The following NPTXR variants were observed in gnomAD, a reference collection of about 807,000 sequenced individuals.
NPTXR encodes the protein neuronal pentraxin receptor.
Under a neutral mutation model 32.2 loss-of-function variants are expected in NPTXR, and 12 were observed. That is an observed-to-expected ratio of 0.37 (90% CI 0.24 to 0.60). The LOEUF is 0.60. Among genes scored for constraint, NPTXR ranks in the 20% least tolerant of loss-of-function variants. The pLI, the probability that NPTXR is intolerant of heterozygous loss-of-function variation, is 0.66. For missense variants in NPTXR, 612 were observed against 682.9 expected (o/e 0.90, Z 1.16); for synonymous variants, 323 against 315.8 (o/e 1.02, Z -0.24).
intron 1 of NPTXR, among the ~76,000 whole-genome samples, chr22:38,838,573 ATTTTTTTTTTT>A (rs139377592): frequency 4.8e-5 from 4 of 83,204 alleles, no homozygotes; most frequent in South Asian, 7.8e-4. Flanking sequence ...TCACCTGGCT[ATTTTTTTTTTT>A]TTTTTTTTTT....
Position 38,822,572 on chromosome 22 carries a change from T to A in NPTXR, c.*37A>T, listed in dbSNP as rs1210248116. On this transcript the variant is annotated 3_prime_UTR_variant, in exon 5 of 5. Coordinates refer to ENST00000333039, the MANE Select transcript of NPTXR (RefSeq NM_014293.4). Reference sequence around the variant, plus strand: ...TATGACCCCCCTCAAGTCCCCAAAGTGGCAGGCAAGGGAGGGGCCCTGGAT... The same window carrying A: ...TATGACCCCCCTCAAGTCCCCAAAGAGGCAGGCAAGGGAGGGGCCCTGGAT... 1 of 1,553,578 alleles carries A rather than the reference T, an allele frequency of 6.4e-7. No homozygotes were observed. Among genetic ancestry groups the A allele is most frequent in the Non-Finnish European group, 8.7e-7 (1 of 1,147,164 alleles).
chr22:38,823,010 T>C, intron 4 of NPTXR, 73 bp downstream of exon 4: 1 of 1,568,244 alleles, frequency 6.4e-7, no homozygotes, highest in Admixed American at 1.7e-5. Flanking sequence ...GGCAGGTCTC[T>C]GATCTCTCTG....
chr22:38,823,948 A>C (rs2280974), intron 3 of NPTXR, among the ~76,000 whole-genome samples: 60,787 of 151,880 alleles, frequency 0.4, 12,479 homozygotes, highest in East Asian at 0.71. Flanking sequence ...GGTGCTCCCA[A>C]AGGGCTTCCT....
chr22:38,829,335 C>T (rs997457326), intron 1 of NPTXR, among the ~76,000 whole-genome samples: 4 of 152,120 alleles, frequency 2.6e-5, no homozygotes, highest in East Asian at 1.9e-4. Context: ...TTCCCCATGA[C>T]ATGCCTGTCT....
At position 38,826,523 on chromosome 22, in the gene NPTXR, T is replaced by A. The variant is rs747658539; in HGVS notation, c.1075A>T (p.Met359Leu). 1.2e-6 allele frequency: 2 copies of A among 1,611,704 alleles called. No individual in the cohort carries two copies. Among genetic ancestry groups the A allele is most frequent in the South Asian group, 2.2e-5 (2 of 90,930 alleles). The change falls in exon 3 of 5, where the codon ATG (methionine) becomes TTG (leucine). Residue 359 changes from methionine (M) to leucine (L), a missense_variant. Coordinates refer to ENST00000333039, the MANE Select transcript of NPTXR (RefSeq NM_014293.4). The stretch of plus-strand genomic sequence containing the variant: ...ACCTTGTCGTTGATCAGCAGCTCCA[T>A]GGGCTCATGGCCCGCCTCTAGCAGT...
rs144927885 is a variant in NPTXR at position 38,833,204 on chromosome 22, C to T, written c.625-4692G>A. Among the ~76,000 whole-genome samples the T allele has an allele frequency of 6.5e-3, 987 of 152,312 alleles. 7 individuals carry two copies. Among genetic ancestry groups the T allele is most frequent in the African/African-American group, 0.023 (946 of 41,558 alleles). On this transcript the variant is annotated intron_variant, in intron 1 of 4. Transcript: ENST00000333039. ...CAGGATCACCCAGGTAGTGGTACTC[C>T]CAGCTGGCAGTGAGGCAGAGGCTGT...
intron 1 of NPTXR, among the ~76,000 whole-genome samples, chr22:38,839,247 T>C (rs754229139): frequency 6.6e-6 from 1 of 152,200 alleles, no homozygotes; most frequent in Non-Finnish European, 1.5e-5. Flanking sequence ...GTTGTATACA[T>C]ACATTAAATT....
chr22:38,841,738 C>T (rs1401962040), intron 1 of NPTXR, among the ~76,000 whole-genome samples: 1 of 152,178 alleles, frequency 6.6e-6, no homozygotes, highest in Non-Finnish European at 1.5e-5. Flanking sequence ...ATATAAAGTA[C>T]TTAATCCTCC....
intron 1 of NPTXR, among the ~76,000 whole-genome samples, chr22:38,838,343 A>G (rs1057279405): frequency 6.6e-6 from 1 of 151,956 alleles, no homozygotes; most frequent in African/African-American, 2.4e-5. Context: ...TTCAGCCTCT[A>G]TCATAGGACT....
rs1388491923 is a variant in NPTXR at position 38,826,590 on chromosome 22, G to A, written c.1008C>T (p.Thr336=). ...GCCCGGGCACTGAGTAGGAGAAGGG[G>A]GTGCCCTGGCCGGTGCCGCTGGACC... Residue 336 remains threonine (T), a synonymous_variant, in exon 3 of 5, where the codon ACC becomes ACT. Transcript: ENST00000333039. 1.2e-6 allele frequency: 2 copies of A among 1,614,148 alleles called. No homozygotes were observed. The highest frequency in any genetic ancestry group is 1.3e-5 in the African/African-American group (1 of 74,954).
chr22:38,827,497 G>A (rs1319257840), intron 2 of NPTXR, among the ~76,000 whole-genome samples: 1 of 152,072 alleles, frequency 6.6e-6, no homozygotes, highest in Non-Finnish European at 1.5e-5. Flanking sequence ...ACCTCCCAAA[G>A]TGTCGGGATA....
rs1049948226 is a variant in NPTXR, at chr22:38,834,656, T to C, written c.625-6144A>G. 4.0e-5 allele frequency among the ~76,000 whole-genome samples: 6 copies of C among 151,326 alleles called. No homozygotes were observed. The highest frequency in any genetic ancestry group is 2.9e-5 in the Non-Finnish European group (2 of 67,856). On this transcript the variant is annotated intron_variant, in intron 1 of 4. Coordinates refer to ENST00000333039, the MANE Select transcript of NPTXR (RefSeq NM_014293.4). This position sits in a 1 kb window ranked among gnomAD's most constrained non-coding sequence, Gnocchi z 4.4. Reference sequence around the variant, plus strand: ...TCCATCCATGTGTGCCGCAGCAACATGGCGTCGTAGTTGCAGACACGAACT... The same window carrying C: ...TCCATCCATGTGTGCCGCAGCAACACGGCGTCGTAGTTGCAGACACGAACT...
chr22:38,821,901 G>A lies in NPTXR; in HGVS notation c.*708C>T, dbSNP rs2093097859. The A allele has an allele frequency of 6.5e-6, 1 of 154,578 alleles. No individual in the cohort carries two copies. Among genetic ancestry groups the A allele is most frequent in the African/African-American group, 2.4e-5 (1 of 41,462 alleles). 9.6% of individuals were successfully genotyped at this position (154,578 alleles called of 1,614,324 possible). On this transcript the variant is annotated 3_prime_UTR_variant, in exon 5 of 5. Transcript: ENST00000333039. ...TGGGTGAGCACAAGGGGTGACTGCA[G>A]CCCTTTGGCCTCCTGGGGTCTTTGT...
intron 1 of NPTXR, among the ~76,000 whole-genome samples, chr22:38,841,438 G>T (rs958288374): frequency 3.3e-5 from 5 of 152,268 alleles, no homozygotes; most frequent in South Asian, 4.1e-4. Context: ...CAGGTGCTGG[G>T]GGCACAGGTC....
At position 38,843,319 on chromosome 22, in the gene NPTXR, G is replaced by A. The variant is rs773771495; in HGVS notation, c.540C>T (p.Ala180=). The A allele has an allele frequency of 7.0e-7, 1 of 1,422,982 alleles. No homozygotes were observed. Among genetic ancestry groups the A allele is most frequent in the African/African-American group, 1.5e-5 (1 of 66,612 alleles). 88.1% of individuals were successfully genotyped at this position (1,422,982 alleles called of 1,614,324 possible). Residue 180 remains alanine (A), a synonymous_variant, in exon 1 of 5, where the codon GCC becomes GCT. Coordinates refer to ENST00000333039, the MANE Select transcript of NPTXR (RefSeq NM_014293.4). The surrounding 1 kb of genome is among the most constrained non-coding windows in gnomAD (Gnocchi z 5.3). The stretch of plus-strand genomic sequence containing the variant: ...GCGCAGGCGAGTCCCAGGGCCCGTC[G>A]GCCATGGTGTCGCGGCGGGGCCCGG...
rs905767586 is a variant in NPTXR at position 38,843,265 on chromosome 22, G to A, written c.594C>T (p.Arg198=). The change falls in exon 1 of 5, where the codon CGC becomes CGT. Residue 198 remains arginine, a synonymous_variant. Coordinates refer to ENST00000333039, the MANE Select transcript of NPTXR (RefSeq NM_014293.4). This position sits in a 1 kb window ranked among gnomAD's most constrained non-coding sequence, Gnocchi z 5.3. ...GGCGGTCGATGCGGTCCCGCAGGGC[G>A]CGCACGGCGTCCTCCAGCTCCAGAA... The A allele has an allele frequency of 8.4e-6, 12 of 1,425,898 alleles. No individual in the cohort carries two copies. In the African/African-American group the frequency reaches 1.5e-4, roughly 18 times the overall value. The allele number at this position is 1,425,898 out of a possible 1,614,324, so 88.3% of individuals were successfully genotyped here.
At chr22:38,836,066 C>A (rs1603246311) in intron 1 of NPTXR, among the ~76,000 whole-genome samples, 1 of 152,146 alleles carries the variant, frequency 6.6e-6, no homozygotes, top group East Asian at 1.9e-4. Flanking sequence ...CATGAATCAT[C>A]AGAGCAATAC....
At chr22:38,836,127 T>C (rs1423090416) in intron 1 of NPTXR, among the ~76,000 whole-genome samples, 1 of 152,082 alleles carries the variant, frequency 6.6e-6, no homozygotes, top group Non-Finnish European at 1.5e-5. Flanking sequence ...CGGGAATGTT[T>C]TTAAAATGAC....
At chr22:38,838,551 C>T (rs920253447) in intron 1 of NPTXR, among the ~76,000 whole-genome samples, 3 of 150,076 alleles carry the variant, frequency 2.0e-5, no homozygotes, top group African/African-American at 4.9e-5. Context: ...GTGACTAGCA[C>T]AGGCACCGCC....
Sources: gnomAD v4.1 joint callset for allele counts (sites outside exome capture counted in the v4.1 genomes callset) on GRCh38, gnomAD v4.1.1 for gene constraint, Gnocchi (gnomAD v3.1) non-coding constraint, MANE v1.5 for transcripts, NCBI Gene and HGNC (gene_info 2026-07-23, HGNC 2026-07-21) for gene names.